Variants in DPP6 observed in about 807,000 individuals in gnomAD.
The protein encoded by DPP6 is A-type potassium channel modulatory protein DPP6.
Under a neutral mutation model 122.6 loss-of-function variants are expected in DPP6, and 69 were observed. That is an observed-to-expected ratio of 0.56 (90% CI 0.46 to 0.69). DPP6 has a LOEUF of 0.69. DPP6 is among the 30% of genes least tolerant of loss of function. The pLI is 0.00. For missense variants in DPP6, 928 were observed against 1,116.9 expected (o/e 0.83, Z 2.41); for synonymous variants, 418 against 433.1 (o/e 0.97, Z 0.43).
intron 1 of DPP6, among the ~76,000 whole-genome samples, chr7:154,398,254 C>A (rs906892187): frequency 1.3e-5 from 2 of 152,124 alleles, no homozygotes; most frequent in Non-Finnish European, 2.9e-5. Context: ...TTAAGCCCAT[C>A]CCTAAAAATG....
Position 154,334,662 on chromosome 7 carries a change from C to T in DPP6, c.244-111552C>T, listed in dbSNP as rs182277177. Among the ~76,000 whole-genome samples the T allele has an allele frequency of 5.5e-4, 84 of 152,224 alleles. 1 individual carries two copies. The East Asian group carries it at 0.015, about 27-fold the overall frequency. ...CTGTAATCCCAGCACTTTGGGAGGC[C>T]GCGGTGGCAGATCACTTGAGGTCAG... On this transcript the variant is annotated intron_variant, in intron 1 of 25. Coordinates refer to ENST00000377770, the MANE Select transcript of DPP6 (RefSeq NM_130797.4).
In DPP6 at chr7:154,052,584, C is replaced by T. The variant is rs1181796991; in HGVS notation, c.-237C>T. 5 of 1,199,282 alleles carry T rather than the reference C, an allele frequency of 4.2e-6. No homozygotes were observed. Among genetic ancestry groups the T allele is most frequent in the Non-Finnish European group, 4.2e-6 (4 of 958,608 alleles). 74.3% of individuals were successfully genotyped at this position (1,199,282 alleles called of 1,614,324 possible). A position where few individuals can be genotyped will look rare whatever the true frequency, so the allele number is the denominator to read the frequency against. On this transcript the variant is annotated 5_prime_UTR_variant, in exon 1 of 26. Transcript: ENST00000377770. The surrounding 1 kb of genome is among the most constrained non-coding windows in gnomAD (Gnocchi z 4.8). The stretch of plus-strand genomic sequence containing the variant: ...AAGCACAGCCAGAGCCCCGGCTTCG[C>T]GAGCCGCCGGGGAGGGGGCGGAGGA...
At chr7:154,586,621 G>A (rs7800754) in intron 5 of DPP6, among the ~76,000 whole-genome samples, 14,821 of 152,200 alleles carry the variant, frequency 0.097, 798 homozygotes, top group African/African-American at 0.14. Context: ...TGTTGCTCTC[G>A]ATCCCTGTTC....
chr7:153,996,581 A>G (rs905921329), intron 1 of DPP6, among the ~76,000 whole-genome samples: 1 of 151,716 alleles, frequency 6.6e-6, no homozygotes, highest in Non-Finnish European at 1.5e-5. Flanking sequence ...ATTATAAACT[A>G]TTTGTTTAGA....
chr7:154,315,274 C>A (rs1321419188), intron 1 of DPP6, among the ~76,000 whole-genome samples: 2 of 152,274 alleles, frequency 1.3e-5, no homozygotes, highest in Admixed American at 6.5e-5. Context: ...AGAGGAATCC[C>A]AGGACATCAC....
intron 5 of DPP6, among the ~76,000 whole-genome samples, chr7:154,612,195 A>G (rs1284328290): frequency 2.6e-5 from 4 of 152,138 alleles, no homozygotes; most frequent in African/African-American, 9.7e-5. Flanking sequence ...TGTTCATTAC[A>G]AATTACTGAG....
In DPP6 at chr7:154,889,463, T is replaced by G. The variant is rs1031627081; in HGVS notation, c.2384T>G (p.Ile795Ser). 3 of 1,553,900 alleles carry G rather than the reference T, an allele frequency of 1.9e-6. No individual in the cohort carries two copies. The African/African-American group carries it at 4.5e-5, about 23-fold the overall frequency. ...TTTTTTTTTTTTTGCACAGAAAAAA[T>G]TCATTTCCAGCACACAGCAGAACTC... ...LIIHPTADEK[I>S]HFQHTAELIT... Residue 795 changes from isoleucine (I) to serine (S), a missense_variant, in exon 25 of 26, where the codon ATT becomes AGT. Physicochemically the swap from Ile to Ser is moderately radical, Grantham distance 142. Transcript: ENST00000377770.
intron 1 of DPP6, among the ~76,000 whole-genome samples, chr7:154,002,341 G>T (rs1797725985): frequency 6.6e-6 from 1 of 152,020 alleles, no homozygotes; most frequent in Admixed American, 6.6e-5. Context: ...ATGACTAAAA[G>T]CAAGGCCTGA....
At chr7:154,228,164 G>A (rs779637214) in intron 1 of DPP6, among the ~76,000 whole-genome samples, 4 of 152,182 alleles carry the variant, frequency 2.6e-5, no homozygotes, top group Non-Finnish European at 4.4e-5. Context: ...TTCCCAGTGT[G>A]TACTTCAAAG....
intron 7 of DPP6, among the ~76,000 whole-genome samples, chr7:154,691,637 G>A (rs1354500257): frequency 6.6e-6 from 1 of 152,016 alleles, no homozygotes; most frequent in Non-Finnish European, 1.5e-5. Context: ...GGATAACATG[G>A]TGAAACCCCG....
chr7:153,990,945 G>C lies in DPP6; in HGVS notation c.51+103211G>C, dbSNP rs1259007639. On this transcript the variant is annotated intron_variant, in intron 1 of 25. Transcript: ENST00000404039. Reference sequence around the variant, plus strand: ...TCTGGGTTATTAAACGGTCAAGGTTGTTTCTGGATCCCCACAAAAATGTGA... The same window carrying C: ...TCTGGGTTATTAAACGGTCAAGGTTCTTTCTGGATCCCCACAAAAATGTGA... Among the ~76,000 whole-genome samples, 4 of 152,228 alleles carry C rather than the reference G, an allele frequency of 2.6e-5. No homozygotes were observed. The South Asian group carries it at 8.3e-4, about 32-fold the overall frequency.
chr7:154,692,372 T>C (rs73165098), intron 7 of DPP6, among the ~76,000 whole-genome samples: 2,399 of 152,338 alleles, frequency 0.016, 33 homozygotes, highest in Non-Finnish European at 0.026. Context: ...ATGTATGTAA[T>C]TAAGTCACGT....
chr7:154,110,011 A>AT (rs1439119786), intron 1 of DPP6, among the ~76,000 whole-genome samples: 2 of 142,816 alleles, frequency 1.4e-5, no homozygotes, highest in Non-Finnish European at 3.0e-5. Flanking sequence ...TGGTTGCTAG[A>AT]TTTTTTCATT....
intron 7 of DPP6, among the ~76,000 whole-genome samples, chr7:154,680,939 G>A (rs1839244263): frequency 1.3e-5 from 2 of 152,158 alleles, no homozygotes; most frequent in Non-Finnish European, 2.9e-5. Context: ...TTGAAGGAGA[G>A]AAAGCAGAAT....
intron 1 of DPP6, among the ~76,000 whole-genome samples, chr7:154,217,697 C>T (rs1205160811): frequency 6.6e-6 from 1 of 152,212 alleles, no homozygotes. Flanking sequence ...ATGCTCAAAC[C>T]TTCCACGAGG....
At chr7:154,428,972 A>C (rs2151248329) in intron 1 of DPP6, among the ~76,000 whole-genome samples, 1 of 152,346 alleles carries the variant, frequency 6.6e-6, no homozygotes, top group South Asian at 2.1e-4. Context: ...CGTAACCAAA[A>C]ACCACTTGTA....
chr7:154,629,015 G>A (rs925402818), intron 5 of DPP6, among the ~76,000 whole-genome samples: 6 of 152,012 alleles, frequency 3.9e-5, no homozygotes, highest in African/African-American at 7.2e-5. Context: ...ACTCCTCAAG[G>A]TTATCAGAGT....
intron 1 of DPP6, among the ~76,000 whole-genome samples, chr7:154,137,649 G>T (rs1563237027): frequency 9.4e-5 from 5 of 53,340 alleles, no homozygotes; most frequent in African/African-American, 3.8e-4. Flanking sequence ...GGTGGGGGGG[G>T]TGGGGGGGTG....
At chr7:154,502,291 A>C (rs1825317543) in intron 3 of DPP6, among the ~76,000 whole-genome samples, 1 of 152,056 alleles carries the variant, frequency 6.6e-6, no homozygotes, top group Non-Finnish European at 1.5e-5. Flanking sequence ...GACTGCTGGG[A>C]AGGCATGATT....
Sources: allele counts gnomAD v4.1 joint callset (sites outside exome capture counted in the v4.1 genomes callset), GRCh38; gene constraint gnomAD v4.1.1; non-coding constraint Gnocchi (gnomAD v3.1); transcripts MANE v1.5; gene names NCBI Gene and HGNC (gene_info 2026-07-23, HGNC 2026-07-21).